Variants in SNAP91 observed in about 807,000 individuals in gnomAD.
SNAP91 encodes the protein clathrin coat assembly protein AP180.
In SNAP91, 27 loss-of-function variants were observed where a neutral mutation model predicts 100.3. The ratio of observed to expected loss-of-function variants is 0.27; its 90% CI spans 0.20 to 0.37. The LOEUF (loss-of-function observed/expected upper bound fraction) is 0.37, where lower values mean the gene tolerates loss of function less well. Ranked by LOEUF, SNAP91 falls within the 10% of genes least tolerant of loss-of-function variation. The pLI, the probability that SNAP91 is intolerant of heterozygous loss-of-function variation, is 1.00. For missense variants in SNAP91, 986 were observed against 1,123.7 expected, an observed-to-expected ratio of 0.88 and a Z score of 1.75; for synonymous variants, 404 against 398.6, an observed-to-expected ratio of 1.01 and a Z score of -0.16.
rs73486959 is a variant in SNAP91 at position 83,685,999 on chromosome 6, G to A, written c.131-20418C>T. On this transcript the variant is annotated intron_variant, in intron 2 of 29. Transcript: ENST00000369694. ...TGATTCTCTTATCCTTACCTCACAT[G>A]TAAGCTCTACAAGGAAAGCATTTTC... The A allele has an allele frequency of 4.2e-3, 734 of 173,806 alleles. 3 individuals carry two copies. The highest frequency in any genetic ancestry group is 0.017 in the African/African-American group (695 of 41,550). 10.8% of individuals were successfully genotyped at this position (173,806 alleles called of 1,614,324 possible). A position where few individuals can be genotyped will look rare whatever the true frequency, so the allele number is the denominator to read the frequency against.
At chr6:83,575,635 T>C (rs549019655) in intron 25 of SNAP91, 2 of 215,166 alleles carry the variant, frequency 9.3e-6, no homozygotes, top group Non-Finnish European at 1.8e-5. Flanking sequence ...AAAAAGAATA[T>C]ATTGTTTACC....
intron 2 of SNAP91, among the ~76,000 whole-genome samples, chr6:83,671,350 T>C (rs1284836661): frequency 1.3e-5 from 2 of 152,124 alleles, no homozygotes; most frequent in South Asian, 2.1e-4. Flanking sequence ...CTTGATCTTG[T>C]ATTCTGAAAC....
At chr6:83,636,013 G>A (rs2097428056) in intron 8 of SNAP91, among the ~76,000 whole-genome samples, 1 of 152,184 alleles carries the variant, frequency 6.6e-6, no homozygotes, top group Admixed American at 6.5e-5. Flanking sequence ...TCTCTAGCTT[G>A]TAAAGTTTCT....
intron 26 of SNAP91, among the ~76,000 whole-genome samples, chr6:83,573,390 A>G (rs1279657855): frequency 1.3e-5 from 2 of 152,222 alleles, no homozygotes; most frequent in Admixed American, 6.5e-5. Context: ...GGTAATTTAT[A>G]GATTCAATGC....
At chr6:83,564,312 C>T (rs1584099747) in intron 26 of SNAP91, among the ~76,000 whole-genome samples, 1 of 149,628 alleles carries the variant, frequency 6.7e-6, no homozygotes, top group East Asian at 2.0e-4. Flanking sequence ...AGAATAGGCT[C>T]TTCCTTTCTT....
intron 26 of SNAP91, among the ~76,000 whole-genome samples, chr6:83,566,641 T>G (rs1403471820): frequency 1.3e-5 from 2 of 152,134 alleles, no homozygotes; most frequent in Admixed American, 1.3e-4. Context: ...TTACATTCAG[T>G]GGTGATAAGT....
At chr6:83,640,937 C>T (rs544679429) in intron 8 of SNAP91, among the ~76,000 whole-genome samples, 159 bp downstream of exon 8, 126 of 152,242 alleles carry the variant, frequency 8.3e-4, no homozygotes, top group African/African-American at 2.7e-3. Flanking sequence ...TTGGATGACA[C>T]GACTTCCAAA....
intron 23 of SNAP91, among the ~76,000 whole-genome samples, chr6:83,581,755 T>C (rs1207726844): frequency 6.6e-6 from 1 of 152,126 alleles, no homozygotes; most frequent in Non-Finnish European, 1.5e-5. Context: ...ACAAACAAAA[T>C]GACAGCAGTG....
intron 16 of SNAP91, among the ~76,000 whole-genome samples, chr6:83,596,705 A>C (rs1468632078): frequency 6.6e-6 from 1 of 152,066 alleles, no homozygotes; most frequent in East Asian, 1.9e-4. Flanking sequence ...ATGTATACAC[A>C]CTTCAAAACA....
chr6:83,604,387 C>G (rs1040114619), intron 14 of SNAP91, among the ~76,000 whole-genome samples: 1 of 152,024 alleles, frequency 6.6e-6, no homozygotes, highest in Non-Finnish European at 1.5e-5. Context: ...TTGAACATTT[C>G]AATATAGGAT....
chr6:83,630,317 G>A (rs1019555548), intron 8 of SNAP91, among the ~76,000 whole-genome samples: 3 of 151,786 alleles, frequency 2.0e-5, no homozygotes, highest in African/African-American at 7.3e-5. Flanking sequence ...TTCTTTTTTG[G>A]TTATGTCCTT....
chr6:83,650,079 A>C (rs2098132568), intron 7 of SNAP91, among the ~76,000 whole-genome samples: 1 of 152,030 alleles, frequency 6.6e-6, no homozygotes, highest in Non-Finnish European at 1.5e-5. Context: ...CCAGATGAAT[A>C]TTATTCATGG....
At chr6:83,580,043 T>G (rs1048517880) in intron 24 of SNAP91, among the ~76,000 whole-genome samples, 2 of 152,218 alleles carry the variant, frequency 1.3e-5, no homozygotes, top group African/African-American at 4.8e-5. Context: ...TCAATAAATA[T>G]TTGTTGAACA....
chr6:83,585,233 G>T (rs1246574183), intron 22 of SNAP91, among the ~76,000 whole-genome samples: 2 of 152,152 alleles, frequency 1.3e-5, no homozygotes, highest in African/African-American at 4.8e-5. Flanking sequence ...GTTTAGCTGG[G>T]TATGGTGGTT....
chr6:83,640,521 C>A (rs991873606), intron 8 of SNAP91, among the ~76,000 whole-genome samples: 2 of 151,922 alleles, frequency 1.3e-5, no homozygotes, highest in Non-Finnish European at 2.9e-5. Flanking sequence ...GAGAAAATAC[C>A]AATTCACAAA....
chr6:83,708,740 C>G (rs955515624), intron 1 of SNAP91, 105 bp downstream of exon 1: 2 of 152,288 alleles, frequency 1.3e-5, no homozygotes, highest in Non-Finnish European at 2.9e-5. Flanking sequence ...CTCCGCGGAG[C>G]TGTCACTCGG....
intron 2 of SNAP91, among the ~76,000 whole-genome samples, chr6:83,700,538 A>T (rs760352761): frequency 6.6e-6 from 1 of 151,758 alleles, no homozygotes; most frequent in Non-Finnish European, 1.5e-5. Context: ...ACTATAATTA[A>T]TCTTCATTTT....
chr6:83,632,478 T>G (rs1022480505), intron 8 of SNAP91, among the ~76,000 whole-genome samples: 8 of 152,312 alleles, frequency 5.3e-5, no homozygotes, highest in Admixed American at 6.5e-5. Flanking sequence ...TTCCCCCAAA[T>G]ATATTTTCCA....
At chr6:83,664,148 G>A (rs2098627327) in intron 3 of SNAP91, among the ~76,000 whole-genome samples, 1 of 152,092 alleles carries the variant, frequency 6.6e-6, no homozygotes, top group Admixed American at 6.6e-5. Context: ...CATGCACCTT[G>A]TCACCATAAG....
Sources: gnomAD v4.1 joint callset for allele counts (sites outside exome capture counted in the v4.1 genomes callset) on GRCh38, gnomAD v4.1.1 for gene constraint, MANE v1.5 for transcripts, NCBI Gene and HGNC (gene_info 2026-07-23, HGNC 2026-07-21) for gene names.